The following DUSP8 variants were observed in gnomAD, a reference collection of about 807,000 sequenced individuals.
DUSP8 encodes the protein dual specificity phosphatase 8, also known as dual specificity protein phosphatase 8.
In DUSP8, 15 loss-of-function variants were observed where a neutral mutation model predicts 38.7. The ratio of observed to expected loss-of-function variants is 0.39; its 90% CI spans 0.26 to 0.60. The LOEUF is 0.60. Ranked by LOEUF, DUSP8 falls within the 20% of genes least tolerant of loss-of-function variation. The probability of loss-of-function intolerance (pLI) is 0.56; values close to 1 mark genes in which losing one functional copy is unlikely to be tolerated. For synonymous variants in DUSP8, 458 were observed against 433.9 expected (o/e 1.06, Z -0.69); for missense variants, 768 against 915.0 (o/e 0.84, Z 2.07).
Position 1,572,115 on chromosome 11 carries a change from C to T in DUSP8, c.-323G>A, listed in dbSNP as rs1370997970. ...GGCGCGCGCACTGCGGGCGGGCACGCGCGCTCGCGGCGCGCATCCCAGCCC... is the reference window on the plus strand; with the variant it reads ...GGCGCGCGCACTGCGGGCGGGCACGTGCGCTCGCGGCGCGCATCCCAGCCC... On this transcript the variant is annotated 5_prime_UTR_variant, in exon 1 of 7. Coordinates refer to ENST00000397374, the MANE Select transcript of DUSP8 (RefSeq NM_004420.3). The surrounding 1 kb of genome is among the most constrained non-coding windows in gnomAD (Gnocchi z 4.7). 6.9e-6 allele frequency among the ~76,000 whole-genome samples: 1 copy of T among 145,482 alleles called. No individual in the cohort carries two copies. The highest frequency in any genetic ancestry group is 1.5e-5 in the Non-Finnish European group (1 of 65,646).
chr11:1,562,170 C>T (rs1420788831), intron 3 of DUSP8, among the ~76,000 whole-genome samples: 1 of 152,100 alleles, frequency 6.6e-6, no homozygotes, highest in Non-Finnish European at 1.5e-5. Flanking sequence ...TCCCACCCAC[C>T]AGTGCTGGGT....
rs1848607893 is a variant in DUSP8 at position 1,555,503 on chromosome 11, A to G, written c.*1015T>C. The stretch of plus-strand genomic sequence containing the variant: ...CATGGCTGGGAGGGGGGCGGGGCAG[A>G]CCTGGAACAGAACCCTAAGACCACC... On this transcript the variant is annotated 3_prime_UTR_variant, in exon 7 of 7. Coordinates refer to ENST00000397374, the MANE Select transcript of DUSP8 (RefSeq NM_004420.3). The G allele has an allele frequency of 2.1e-6, 2 of 973,208 alleles. No homozygotes were observed. The highest frequency in any genetic ancestry group is 2.4e-6 in the Non-Finnish European group (2 of 818,546). 60.3% of individuals were successfully genotyped at this position (973,208 alleles called of 1,614,324 possible). A position where few individuals can be genotyped will look rare whatever the true frequency, so the allele number is the denominator to read the frequency against.
upstream of DUSP8, among the ~76,000 whole-genome samples, chr11:1,572,390 G>A (rs1848919910): frequency 6.7e-6 from 1 of 149,516 alleles, no homozygotes; most frequent in African/African-American, 2.4e-5. This position sits in a 1 kb window ranked among gnomAD's most constrained non-coding sequence, Gnocchi z 4.7. Context: ...GGTGACGTCA[G>A]CGGAGCCCGG....
intron 3 of DUSP8, chr11:1,559,292 T>A: frequency 4.2e-6 from 2 of 476,518 alleles, no homozygotes; most frequent in South Asian, 7.0e-5. Flanking sequence ...TTCCTCCTCA[T>A]GCTAATTAGG....
At chr11:1,569,160 T>TG (rs1307908981) in intron 1 of DUSP8, among the ~76,000 whole-genome samples, 1 of 152,084 alleles carries the variant, frequency 6.6e-6, no homozygotes, top group African/African-American at 2.4e-5. Flanking sequence ...GCCTAGGGGT[T>TG]GGGGGGTGAG....
intron 3 of DUSP8, among the ~76,000 whole-genome samples, chr11:1,562,610 C>T (rs1166440909): frequency 6.6e-6 from 1 of 152,186 alleles, no homozygotes; most frequent in African/African-American, 2.4e-5. Context: ...CACACACGTA[C>T]ATGCACATAT....
At chr11:1,572,509 G>A (rs1039053864), upstream of DUSP8, among the ~76,000 whole-genome samples, 9 of 151,460 alleles carry the variant, frequency 5.9e-5, no homozygotes, top group South Asian at 2.1e-4. The surrounding 1 kb of genome is among the most constrained non-coding windows in gnomAD (Gnocchi z 4.7). Context: ...GGCTCTTAAA[G>A]GGACCACGCG....
chr11:1,557,370 T>C lies in DUSP8; in HGVS notation c.1026A>G (p.Thr342=), dbSNP rs746397157. 2.6e-6 allele frequency: 4 copies of C among 1,566,674 alleles called. No homozygotes were observed. Among genetic ancestry groups the C allele is most frequent in the Admixed American group, 3.6e-5 (2 of 55,906 alleles). The change falls in exon 7 of 7, where the codon ACA becomes ACG. Residue 342 remains threonine (T), a synonymous_variant. Transcript: ENST00000397374. The surrounding 1 kb of genome is among the most constrained non-coding windows in gnomAD (Gnocchi z 9.9). ...LPPPTSESAA[T]GNAAAREGGL... ...CGCCCTCCCTGGCAGCCGCATTCCC[T>C]GTGGCAGCGCTCTCTGAGGTAGGTG...
intron 2 of DUSP8, among the ~76,000 whole-genome samples, chr11:1,565,248 C>T (rs2279479): frequency 0.54 from 82,291 of 152,118 alleles, 22,662 homozygotes; most frequent in African/African-American, 0.56. Context: ...TCACACCTTG[C>T]TATTCCACTC....
Position 1,554,644 on chromosome 11 carries a change from G to A in DUSP8, c.*1874C>T, listed in dbSNP as rs1369949042. 5 of 987,392 alleles carry A rather than the reference G, an allele frequency of 5.1e-6. No homozygotes were observed. Among genetic ancestry groups the A allele is most frequent in the Non-Finnish European group, 6.0e-6 (5 of 829,794 alleles). 61.2% of individuals were successfully genotyped at this position (987,392 alleles called of 1,614,324 possible). A position where few individuals can be genotyped will look rare whatever the true frequency, so the allele number is the denominator to read the frequency against. On this transcript the variant is annotated 3_prime_UTR_variant, in exon 7 of 7. Transcript: ENST00000397374. ...AGAAGGGACAAGGGGAAGGGGGAAG[G>A]GAGAAGGGGGCCCAACCAGTGGCCC...
rs1218082102 is a variant in DUSP8, at chr11:1,555,681, G to A, written c.*837C>T. 6.4e-6 allele frequency: 1 copy of A among 155,748 alleles called. No individual in the cohort carries two copies. The highest frequency in any genetic ancestry group is 1.9e-4 in the East Asian group (1 of 5,204). 9.6% of individuals were successfully genotyped at this position (155,748 alleles called of 1,614,324 possible). A position where few individuals can be genotyped will look rare whatever the true frequency, so the allele number is the denominator to read the frequency against. On this transcript the variant is annotated 3_prime_UTR_variant, in exon 7 of 7. Transcript: ENST00000397374. ...CAGCTCTGGGGGCATGGGCAAGGGA[G>A]AAGGGAGGGCCGCAGCCCTCTAGGA... is the stretch of plus-strand genomic sequence containing the variant.
chr11:1,556,198 A>G lies in DUSP8; in HGVS notation c.*320T>C. 7.5e-6 allele frequency: 2 copies of G among 266,774 alleles called. No individual in the cohort carries two copies. The highest frequency in any genetic ancestry group is 1.4e-5 in the Non-Finnish European group (2 of 143,330). The allele number at this position is 266,774 out of a possible 1,614,324, so 16.5% of individuals were successfully genotyped here. A position where few individuals can be genotyped will look rare whatever the true frequency, so the allele number is the denominator to read the frequency against. On this transcript the variant is annotated 3_prime_UTR_variant, in exon 7 of 7. Coordinates refer to ENST00000397374, the MANE Select transcript of DUSP8 (RefSeq NM_004420.3). This position sits in a 1 kb window ranked among gnomAD's most constrained non-coding sequence, Gnocchi z 5.2. ...TGCACGAAAGCTCGGCAGCCTTTGC[A>G]AAGGTCAGCAGTGTTTCCTGGGGCG...
At chr11:1,564,444 A>T (rs1019634478) in intron 2 of DUSP8, among the ~76,000 whole-genome samples, 5 of 152,154 alleles carry the variant, frequency 3.3e-5, no homozygotes, top group African/African-American at 1.2e-4. Flanking sequence ...GTAGCCAGCA[A>T]TTCTGCTCCC....
Position 1,556,467 on chromosome 11 carries a change from C to A in DUSP8, c.*51G>T. On this transcript the variant is annotated 3_prime_UTR_variant, in exon 7 of 7. Transcript: ENST00000397374. This position sits in a 1 kb window ranked among gnomAD's most constrained non-coding sequence, Gnocchi z 5.2. ...CTTTCTTTGCATTATATATAATATA[C>A]ATTTATAACGGGCCTGGCTGCGGGC... is the stretch of plus-strand genomic sequence containing the variant. The A allele has an allele frequency of 8.1e-7, 1 of 1,231,790 alleles. No homozygotes were observed. Among genetic ancestry groups the A allele is most frequent in the South Asian group, 4.0e-5 (1 of 24,818 alleles). 76.3% of individuals were successfully genotyped at this position (1,231,790 alleles called of 1,614,324 possible). A position where few individuals can be genotyped will look rare whatever the true frequency, so the allele number is the denominator to read the frequency against.
chr11:1,563,361 C>A (rs72843295), intron 3 of DUSP8, among the ~76,000 whole-genome samples: 293 of 152,250 alleles, frequency 1.9e-3, no homozygotes, highest in Non-Finnish European at 3.6e-3. Flanking sequence ...GGCTTCCCTG[C>A]CTCCAGGGCT....
chr11:1,568,176 A>G (rs1434903747), intron 1 of DUSP8, among the ~76,000 whole-genome samples: 1 of 152,196 alleles, frequency 6.6e-6, no homozygotes, highest in Non-Finnish European at 1.5e-5. Flanking sequence ...TGAAAACAAC[A>G]GAAGCAAATA....
Position 1,557,184 on chromosome 11 carries a change from AG to A in DUSP8, c.1211del (p.Pro404LeufsTer71). The A allele has an allele frequency of 1.4e-6, 2 of 1,464,442 alleles. No homozygotes were observed. The allele number at this position is 1,464,442 out of a possible 1,614,324, so 90.7% of individuals were successfully genotyped here. ...GCCCGGGGCCGTCGGGCCGCCTGCT[AG>A]GGGCGTAGGCAGACTTGATGTCCAG... ...FSLDIKSAYA[P>X]SRRPDGPGPP... On this transcript the variant is annotated frameshift_variant, in exon 7 of 7. Coordinates refer to ENST00000397374, the MANE Select transcript of DUSP8 (RefSeq NM_004420.3). LOFTEE classifies it high-confidence loss of function. This position sits in a 1 kb window ranked among gnomAD's most constrained non-coding sequence, Gnocchi z 9.9.
chr11:1,570,268 A>G (rs895479231), intron 1 of DUSP8, among the ~76,000 whole-genome samples: 1 of 152,164 alleles, frequency 6.6e-6, no homozygotes, highest in African/African-American at 2.4e-5. Flanking sequence ...CCACATGCTA[A>G]ACATCAGGAC....
At position 1,555,266 on chromosome 11, in the gene DUSP8, G is replaced by A. The variant is rs1244857114; in HGVS notation, c.*1252C>T. 1 of 987,754 alleles carries A rather than the reference G, an allele frequency of 1.0e-6. No homozygotes were observed. Among genetic ancestry groups the A allele is most frequent in the Non-Finnish European group, 1.2e-6 (1 of 830,174 alleles). 61.2% of individuals were successfully genotyped at this position (987,754 alleles called of 1,614,324 possible). ...AGAGAGAGAGCACCCTGGGAAAGGG[G>A]TGAATGGGAGTTTCTCTCCTGAGCG... On this transcript the variant is annotated 3_prime_UTR_variant, in exon 7 of 7. Transcript: ENST00000397374.
Sources: allele counts gnomAD v4.1 joint callset (sites outside exome capture counted in the v4.1 genomes callset), GRCh38; gene constraint gnomAD v4.1.1; non-coding constraint Gnocchi (gnomAD v3.1); transcripts MANE v1.5; gene names NCBI Gene and HGNC (gene_info 2026-07-23, HGNC 2026-07-21).